COCH: variants seen among roughly 807,000 people sequenced by gnomAD.
COCH encodes cochlin, also known as coagulation factor C homolog, cochlin (Limulus polyphemus).
A neutral mutation model predicts 54.8 loss-of-function variants in COCH; 40 were observed. The ratio of observed to expected loss-of-function variants is 0.73; its 90% CI spans 0.57 to 0.95. COCH has a LOEUF of 0.95. Ranked by LOEUF, COCH falls within the 40% of genes least tolerant of loss-of-function variation. The probability of loss-of-function intolerance (pLI) is 0.00; values close to 1 mark genes in which losing one functional copy is unlikely to be tolerated. For synonymous variants in COCH, 256 were observed against 237.9 expected (o/e 1.08, Z -0.70); for missense variants, 605 against 675.0 (o/e 0.90, Z 1.15).
intron 6 of COCH, among the ~76,000 whole-genome samples, chr14:30,879,891 G>A (rs1895511373): frequency 6.6e-6 from 1 of 151,946 alleles, no homozygotes; most frequent in Non-Finnish European, 1.5e-5. Flanking sequence ...TTGAACTCCT[G>A]ACCTCAGGCA....
rs1895946559 is a variant in COCH at position 30,890,505 on chromosome 14, A to G, written c.*714A>G. ...TAAGTACTTAAAAGTTAAGTTGGTA[A>G]AGTATTTACTGACTGCTTATAAACA... On this transcript the variant is annotated 3_prime_UTR_variant, in exon 12 of 12. Coordinates refer to ENST00000396618, the MANE Select transcript of COCH (RefSeq NM_004086.3). 1.1e-6 allele frequency: 1 copy of G among 917,054 alleles called. No homozygotes were observed. 56.8% of individuals were successfully genotyped at this position (917,054 alleles called of 1,614,324 possible).
Position 30,890,191 on chromosome 14 carries a change from A to T in COCH, c.*400A>T. 1 of 991,022 alleles carries T rather than the reference A, an allele frequency of 1.0e-6. No homozygotes were observed. The highest frequency in any genetic ancestry group is 5.2e-4 in the Middle Eastern group (1 of 1,924). 61.4% of individuals were successfully genotyped at this position (991,022 alleles called of 1,614,324 possible). A position where few individuals can be genotyped will look rare whatever the true frequency, so the allele number is the denominator to read the frequency against. ...TATTGATTATATAAGCAAAATGAAA[A>T]GAGAAACTTAAATGAACACAGCTCT... On this transcript the variant is annotated 3_prime_UTR_variant, in exon 12 of 12. Transcript: ENST00000396618.
At chr14:30,892,419 AAAG>A (rs1267906753), downstream of COCH, among the ~76,000 whole-genome samples, 1 of 152,254 alleles carries the variant, frequency 6.6e-6, no homozygotes, top group Non-Finnish European at 1.5e-5. Flanking sequence ...TTATTTCAAA[AAAG>A]AAGAAACAGA....
intron 4 of COCH, among the ~76,000 whole-genome samples, chr14:30,878,443 T>G (rs1336012722): frequency 6.6e-6 from 1 of 152,132 alleles, no homozygotes; most frequent in African/African-American, 2.4e-5. Context: ...GATGGACCAC[T>G]TGAGGTCAGG....
At chr14:30,892,641 C>CT (rs1292309438), downstream of COCH, among the ~76,000 whole-genome samples, 2 of 152,074 alleles carry the variant, frequency 1.3e-5, no homozygotes, top group Non-Finnish European at 2.9e-5. Flanking sequence ...AGCCCTGTCT[C>CT]TACTAAAAAT....
intron 11 of COCH, among the ~76,000 whole-genome samples, chr14:30,888,116 T>A (rs1183074359): frequency 1.3e-5 from 2 of 149,690 alleles, no homozygotes; most frequent in African/African-American, 4.9e-5. Context: ...CAGGCTGGAG[T>A]ACAGTGGTGT....
At chr14:30,893,703 G>C (rs951878284), downstream of COCH, 2 of 152,300 alleles carry the variant, frequency 1.3e-5, no homozygotes, top group Admixed American at 6.5e-5. Context: ...GAAATACTTA[G>C]ACATTATTAA....
At chr14:30,893,831 T>C (rs534465895), downstream of COCH, 1 of 152,740 alleles carries the variant, frequency 6.5e-6, no homozygotes, top group East Asian at 1.9e-4. Flanking sequence ...TTATGGAGAA[T>C]AAAGTATTGC....
In COCH at chr14:30,890,166, TATTG is replaced by T. The variant is rs1267849064; in HGVS notation, c.*379_*382del. On this transcript the variant is annotated 3_prime_UTR_variant, in exon 12 of 12. Coordinates refer to ENST00000396618, the MANE Select transcript of COCH (RefSeq NM_004086.3). ...CAACATTCGTTCTCTAACCATTCTG[TATTG>T]ATTATATAAGCAAAATGAAAAGAGA... The T allele has an allele frequency of 3.1e-5, 31 of 997,192 alleles. 1 individual carries two copies. In the South Asian group the frequency reaches 1.2e-3, roughly 39 times the overall value. 61.8% of individuals were successfully genotyped at this position (997,192 alleles called of 1,614,324 possible).
chr14:30,874,837 G>C, intron 1 of COCH, 79 bp from the exon 2 acceptor site: 9 of 1,377,882 alleles, frequency 6.5e-6, no homozygotes, highest in Non-Finnish European at 9.3e-6. Flanking sequence ...CCGGGGATCC[G>C]AAGGGTGCGG....
chr14:30,882,130 T>TG lies in COCH; in HGVS notation c.629+1396_629+1397insG, dbSNP rs1234254116. Among the ~76,000 whole-genome samples, 9 of 115,308 alleles carry TG rather than the reference T, an allele frequency of 7.8e-5. No homozygotes were observed. In the East Asian group the frequency reaches 1.3e-3, roughly 17 times the overall value. The allele number at this position is 115,308 out of a possible 152,430, so 75.6% of individuals were successfully genotyped here. A position where few individuals can be genotyped will look rare whatever the true frequency, so the allele number is the denominator to read the frequency against. ...AATCACTATAAAATGGTTTTTTTTT[T>TG]TTTTTTTTTTTTTTTTTGAGACGGA... On this transcript the variant is annotated intron_variant, in intron 8 of 11. Transcript: ENST00000396618.
In COCH at chr14:30,885,424, T is replaced by C. The variant is rs1555311790; in HGVS notation, c.764T>C (p.Phe255Ser). ...GCCTTGAAGCATACTGCTCAGAAATTCTTCACGGTAGATGCTGGAGTAAGA... is the reference window on the plus strand; with the variant it reads ...GCCTTGAAGCATACTGCTCAGAAATCCTTCACGGTAGATGCTGGAGTAAGA... ...GKALKHTAQK[F>S]FTVDAGVRKG... The change falls in exon 10 of 12, where the codon TTC becomes TCC. Residue 255 changes from phenylalanine (F) to serine (S), a missense_variant. Physicochemically the swap from Phe to Ser is radical, Grantham distance 155. Coordinates refer to ENST00000396618, the MANE Select transcript of COCH (RefSeq NM_004086.3). 1.9e-6 allele frequency: 3 copies of C among 1,614,038 alleles called. No individual in the cohort carries two copies. Among genetic ancestry groups the C allele is most frequent in the Admixed American group, 1.7e-5 (1 of 60,008 alleles).
At position 30,875,200 on chromosome 14, in the gene COCH, T is replaced by G. The variant is rs1569792; in HGVS notation, c.82+97T>G. ...GATCCAGCCCCTTGGGCTTCAGCCC[T>G]ACCGCCTGAGGAGGAAGGCGCGAAG... On this transcript the variant is annotated intron_variant, in intron 3 of 11. Transcript: ENST00000396618. The G allele has an allele frequency of 1, 1,496,374 of 1,496,832 alleles. 747,961 individuals carry two copies. Among genetic ancestry groups the G allele is most frequent in the Middle Eastern group, 1 (4,242 of 4,242 alleles). 92.7% of individuals were successfully genotyped at this position (1,496,832 alleles called of 1,614,324 possible). A position where few individuals can be genotyped will look rare whatever the true frequency, so the allele number is the denominator to read the frequency against.
intron 8 of COCH, among the ~76,000 whole-genome samples, chr14:30,882,119 G>GTTTTTTTTTTTTTTTTTT (rs1566410309): frequency 7.1e-5 from 6 of 84,872 alleles, no homozygotes; most frequent in African/African-American, 3.0e-4. Flanking sequence ...ACTATAAAAT[G>GTTTTTTTTTTTTTTTTTT]GTTTTTTTTT....
At chr14:30,878,710 T>TCTTGATTAATTGTATCTATTG in intron 4 of COCH, 101 bp from the exon 5 acceptor site, 1 of 1,527,226 alleles carries the variant, frequency 6.5e-7, no homozygotes, top group Non-Finnish European at 9.0e-7. Flanking sequence ...TGAGCTATTT[T>TCTTGATTAATTGTATCTATTG]CTTGATTAAT....
chr14:30,879,554 T>C, intron 6 of COCH, 69 bp downstream of exon 6: 2 of 1,510,080 alleles, frequency 1.3e-6, no homozygotes, highest in African/African-American at 1.4e-5. Flanking sequence ...AAACGTGTTG[T>C]TGGTAGAAGC....
downstream of COCH, among the ~76,000 whole-genome samples, chr14:30,891,248 A>T (rs1895975535): frequency 2.0e-5 from 3 of 152,110 alleles, no homozygotes; most frequent in African/African-American, 7.2e-5. Flanking sequence ...CCTTAATGTG[A>T]CTTAGATGAT....
At position 30,880,571 on chromosome 14, in the gene COCH, G is replaced by C; in HGVS notation, c.482-16G>C. 1 of 1,614,168 alleles carries C rather than the reference G, an allele frequency of 6.2e-7. No individual in the cohort carries two copies. Among genetic ancestry groups the C allele is most frequent in the South Asian group, 1.1e-5 (1 of 91,074 alleles). On this transcript the variant is annotated splice_polypyrimidine_tract_variant and intron_variant, in intron 7 of 11. Coordinates refer to ENST00000396618, the MANE Select transcript of COCH (RefSeq NM_004086.3). The stretch of plus-strand genomic sequence containing the variant: ...CTTGAGACTGCTAATGAGGGGACTG[G>C]TTTGGTTGTTCGCAGATTGTAAAGC...
At position 30,877,061 on chromosome 14, in the gene COCH, G is replaced by A. The variant is rs1895382913; in HGVS notation, c.83-511G>A. The stretch of plus-strand genomic sequence containing the variant: ...GGACTCAAGCAAATCCTCTTGTCTT[G>A]GCCTGCTAAAGTGCTGGGATTATAG... On this transcript the variant is annotated intron_variant, in intron 3 of 11. Transcript: ENST00000396618. The surrounding 1 kb of genome is among the most constrained non-coding windows in gnomAD (Gnocchi z 8.6). Among the ~76,000 whole-genome samples, 1 of 151,888 alleles carries A rather than the reference G, an allele frequency of 6.6e-6. No homozygotes were observed. The highest frequency in any genetic ancestry group is 1.5e-5 in the Non-Finnish European group (1 of 67,978).
Sources: gnomAD v4.1 joint callset for allele counts (sites outside exome capture counted in the v4.1 genomes callset) on GRCh38, gnomAD v4.1.1 for gene constraint, Gnocchi (gnomAD v3.1) non-coding constraint, MANE v1.5 for transcripts, NCBI Gene and HGNC (gene_info 2026-07-23, HGNC 2026-07-21) for gene names.